Variants in CNKSR2 observed in about 807,000 individuals in gnomAD.
The protein encoded by CNKSR2 is CNK homolog protein 2.
In CNKSR2, 14 loss-of-function variants were observed where a neutral mutation model predicts 84.4. The ratio of observed to expected loss-of-function variants is 0.17; its 90% CI spans 0.11 to 0.26. CNKSR2 has a LOEUF of 0.26. CNKSR2 is among the 10% of genes least tolerant of loss of function. CNKSR2 has a pLI of 1.00. For missense variants in CNKSR2, 485 were observed against 771.2 expected (o/e 0.63, Z 4.40); for synonymous variants, 275 against 277.9 (o/e 0.99, Z 0.10).
chrX:21,431,466 C>A (rs984216198), intron 2 of CNKSR2, among the ~76,000 whole-genome samples: 2 of 111,240 alleles, frequency 1.8e-5, no homozygotes, highest in African/African-American at 6.5e-5. Flanking sequence ...GAAATCTTCC[C>A]ATACCTCAGT....
At chrX:21,518,032 A>G (rs1382046315) in intron 9 of CNKSR2, among the ~76,000 whole-genome samples, 5 of 111,916 alleles carry the variant, frequency 4.5e-5, no homozygotes, top group Non-Finnish European at 7.5e-5. Flanking sequence ...ATGTGAATCT[A>G]TTTTTCAAGT....
chrX:21,631,774 T>C (rs1439076962), intron 20 of CNKSR2, among the ~76,000 whole-genome samples: 1 of 112,345 alleles, frequency 8.9e-6, no homozygotes, highest in Non-Finnish European at 1.9e-5. Flanking sequence ...AATTCTCACA[T>C]TTCCTGCATC....
intron 18 of CNKSR2, among the ~76,000 whole-genome samples, chrX:21,602,533 C>A (rs746665868): frequency 9.0e-6 from 1 of 111,567 alleles, no homozygotes; most frequent in South Asian, 3.7e-4. Flanking sequence ...ATCCCAAAAC[C>A]AGTATGTCAG....
intron 11 of CNKSR2, among the ~76,000 whole-genome samples, chrX:21,545,016 C>G (rs1270938357): frequency 2.7e-5 from 3 of 111,163 alleles, no homozygotes; most frequent in African/African-American, 9.8e-5. Flanking sequence ...CCCATTGACA[C>G]CTGGAATGCC....
intron 6 of CNKSR2, chrX:21,491,720 A>T (rs1225120106): frequency 8.9e-6 from 1 of 112,224 alleles, no homozygotes; most frequent in Non-Finnish European, 1.9e-5. Flanking sequence ...GCTATATCTA[A>T]TGTTGATTAC....
At chrX:21,582,935 T>C (rs1403107011) in intron 13 of CNKSR2, among the ~76,000 whole-genome samples, 1 of 111,636 alleles carries the variant, frequency 9.0e-6, no homozygotes, top group East Asian at 2.8e-4. Context: ...CTGATACATA[T>C]GACATTCTTT....
chrX:21,416,240 A>C (rs1227107115), intron 1 of CNKSR2, among the ~76,000 whole-genome samples: 2 of 112,142 alleles, frequency 1.8e-5, no homozygotes, highest in Non-Finnish European at 3.8e-5. Flanking sequence ...ACGATGTACC[A>C]CATTGATTGA....
rs767474886 is a variant in CNKSR2 at position 21,526,904 on chromosome X, C to T, written c.995C>T (p.Thr332Met). The change falls in exon 10 of 22, where the codon ACG (threonine) becomes ATG (methionine). Residue 332 changes from threonine (T) to methionine (M), a missense_variant. By Grantham distance (81) the Thr-to-Met change is moderately conservative. Coordinates refer to ENST00000379510, the MANE Select transcript of CNKSR2 (RefSeq NM_014927.5). ...AGAAGTCCCACAAGCAGCGTTGCCA[C>T]GCCTTCCAGCACCATCAGTACACCC... is the stretch of plus-strand genomic sequence containing the variant. ...IPRSPTSSVA[T>M]PSSTISTPTK... is the part of the protein sequence containing the mutation. 5.8e-6 allele frequency: 7 copies of T among 1,201,755 alleles called. No homozygotes were observed. The East Asian group carries it at 1.2e-4, about 20-fold the overall frequency.
intron 5 of CNKSR2, 64 bp from the exon 6 acceptor site, chrX:21,490,395 A>C: frequency 1.1e-5 from 12 of 1,065,340 alleles, no homozygotes; most frequent in Non-Finnish European, 1.5e-5. Context: ...TTATTACAAA[A>C]GGTGATTTAT....
intron 21 of CNKSR2, among the ~76,000 whole-genome samples, chrX:21,650,724 G>C (rs184913489): frequency 1.8e-5 from 2 of 112,008 alleles, no homozygotes; most frequent in East Asian, 5.6e-4. Context: ...CAAAGAGACA[G>C]ACAAACTAGA....
intron 1 of CNKSR2, among the ~76,000 whole-genome samples, chrX:21,389,402 G>T (rs1041419336): frequency 9.1e-6 from 1 of 110,190 alleles, no homozygotes; most frequent in African/African-American, 3.3e-5. Flanking sequence ...GAGTATACAG[G>T]AACTCTTTAT....
chrX:21,398,403 G>T (rs919448099), intron 1 of CNKSR2, among the ~76,000 whole-genome samples: 3 of 111,510 alleles, frequency 2.7e-5, no homozygotes, highest in African/African-American at 9.8e-5. Context: ...TTCTCTAATG[G>T]TACTTGCTAT....
chrX:21,432,472 G>A lies in CNKSR2; in HGVS notation c.229-140G>A, dbSNP rs141110351. The A allele has an allele frequency of 3.8e-4, 171 of 454,377 alleles. No homozygotes were observed. In the African/African-American group the frequency reaches 3.8e-3, roughly 10 times the overall value. The allele number at this position is 454,377 out of a possible 1,213,427, so 37.4% of individuals were successfully genotyped here. On this transcript the variant is annotated intron_variant, in intron 2 of 21. Transcript: ENST00000379510. The stretch of plus-strand genomic sequence containing the variant: ...AAATAGTCACTTAACTGTGGGCTCC[G>A]CTAGGTCAGGAATCCTATCTTATTC...
intron 16 of CNKSR2, 85 bp downstream of exon 16, chrX:21,595,132 C>G: frequency 1.3e-6 from 1 of 783,955 alleles, no homozygotes; most frequent in Non-Finnish European, 1.9e-6. Flanking sequence ...TCATTTAATG[C>G]TTTCACATTG....
chrX:21,537,825 A>C (rs1333417538), intron 11 of CNKSR2: 1 of 98,390 alleles, frequency 1.0e-5, no homozygotes, highest in African/African-American at 3.8e-5. Context: ...CAGCCAGTCT[A>C]TATCTTTTGA....
intron 11 of CNKSR2, among the ~76,000 whole-genome samples, chrX:21,555,939 A>G (rs928192714): frequency 1.8e-5 from 2 of 111,096 alleles, no homozygotes; most frequent in African/African-American, 6.5e-5. Flanking sequence ...AACAGACAAC[A>G]TGGGAATGTA....
rs993114100 is a variant in CNKSR2, at chrX:21,374,847, G to A, written c.-51G>A. The A allele has an allele frequency of 9.1e-7, 1 of 1,097,873 alleles. No homozygotes were observed. Among genetic ancestry groups the A allele is most frequent in the Admixed American group, 2.2e-5 (1 of 46,005 alleles). 90.5% of individuals were successfully genotyped at this position (1,097,873 alleles called of 1,213,427 possible). On this transcript the variant is annotated 5_prime_UTR_variant, in exon 1 of 22. Coordinates refer to ENST00000379510, the MANE Select transcript of CNKSR2 (RefSeq NM_014927.5). Reference sequence around the variant, plus strand: ...ACCTGAGAGCAGCTCGGGCTGCTGAGTTCGTTTTGTGTCTGAGCTCTGCGC... The same window carrying A: ...ACCTGAGAGCAGCTCGGGCTGCTGAATTCGTTTTGTGTCTGAGCTCTGCGC...
chrX:21,505,003 A>G (rs898045228), intron 8 of CNKSR2: 4 of 275,585 alleles, frequency 1.5e-5, no homozygotes, highest in East Asian at 1.0e-4. Flanking sequence ...TCTGGGAGAT[A>G]CCTCGGCATA....
At chrX:21,629,358 T>C (rs1183909013) in intron 20 of CNKSR2, among the ~76,000 whole-genome samples, 1 of 112,343 alleles carries the variant, frequency 8.9e-6, no homozygotes, top group Non-Finnish European at 1.9e-5. Flanking sequence ...CATTTTCAGG[T>C]ATCTTTTCAG....
Sources: allele counts gnomAD v4.1 joint callset (sites outside exome capture counted in the v4.1 genomes callset), GRCh38; gene constraint gnomAD v4.1.1; transcripts MANE v1.5; gene names NCBI Gene and HGNC (gene_info 2026-07-23, HGNC 2026-07-21).